Variants in FAM3C observed in about 807,000 individuals in gnomAD.
FAM3C encodes the protein protein FAM3C.
In FAM3C, 15 loss-of-function variants were observed where a neutral mutation model predicts 32.5. The observed-to-expected ratio is 0.46, with a 90% confidence interval of 0.31 to 0.71. The LOEUF (loss-of-function observed/expected upper bound fraction) is 0.71, where lower values mean the gene tolerates loss of function less well. FAM3C is among the 30% of genes least tolerant of loss of function. The probability of loss-of-function intolerance (pLI) is 0.05; values close to 1 mark genes in which losing one functional copy is unlikely to be tolerated. For synonymous variants in FAM3C, 75 were observed against 86.1 expected (o/e 0.87, Z 0.72); for missense variants, 175 against 274.4 (o/e 0.64, Z 2.56).
chr7:121,374,712 T>C (rs546268037), intron 3 of FAM3C, among the ~76,000 whole-genome samples: 20 of 152,336 alleles, frequency 1.3e-4, no homozygotes, highest in Admixed American at 4.6e-4. Context: ...GGTTACAAAG[T>C]ACTACACTTC....
At chr7:121,356,155 C>G (rs1406835077) in intron 8 of FAM3C, among the ~76,000 whole-genome samples, 4 of 151,698 alleles carry the variant, frequency 2.6e-5, no homozygotes, top group African/African-American at 7.3e-5. Flanking sequence ...CAATTCTAGT[C>G]TGCATGAATA....
At chr7:121,356,132 A>G (rs562627948) in intron 8 of FAM3C, among the ~76,000 whole-genome samples, 1 of 152,272 alleles carries the variant, frequency 6.6e-6, no homozygotes, top group East Asian at 1.9e-4. Flanking sequence ...TGACTGTTTA[A>G]AGAAAACTAA....
At chr7:121,376,008 T>C (rs1353315492) in intron 3 of FAM3C, among the ~76,000 whole-genome samples, 3 of 152,226 alleles carry the variant, frequency 2.0e-5, no homozygotes, top group Non-Finnish European at 4.4e-5. Flanking sequence ...AAGAATTAGC[T>C]ATGCACATTG....
intron 1 of FAM3C, among the ~76,000 whole-genome samples, chr7:121,389,857 G>A (rs1042551633): frequency 5.3e-5 from 8 of 152,038 alleles, no homozygotes; most frequent in African/African-American, 9.7e-5. Flanking sequence ...AGTACAAGGA[G>A]GATAGAAATC....
intron 3 of FAM3C, among the ~76,000 whole-genome samples, chr7:121,373,052 A>C (rs1415645693): frequency 1.3e-5 from 2 of 152,238 alleles, no homozygotes; most frequent in African/African-American, 2.4e-5. Flanking sequence ...TAAAGCCATA[A>C]AGGTAATATA....
At chr7:121,359,702 T>C (rs1426871467) in intron 8 of FAM3C, among the ~76,000 whole-genome samples, 1 of 151,956 alleles carries the variant, frequency 6.6e-6, no homozygotes, top group Admixed American at 6.6e-5. Context: ...GACATAATAA[T>C]AGGGAAACTT....
At chr7:121,375,884 A>C (rs1794230805) in intron 3 of FAM3C, among the ~76,000 whole-genome samples, 1 of 152,172 alleles carries the variant, frequency 6.6e-6, no homozygotes, top group Non-Finnish European at 1.5e-5. Flanking sequence ...CTTTCATCCA[A>C]GGCCTATAGA....
At chr7:121,357,321 A>T (rs1228403544) in intron 8 of FAM3C, among the ~76,000 whole-genome samples, 1 of 152,186 alleles carries the variant, frequency 6.6e-6, no homozygotes, top group Non-Finnish European at 1.5e-5. Context: ...CAGTGTACGC[A>T]CTTAACTTTC....
intron 2 of FAM3C, among the ~76,000 whole-genome samples, chr7:121,382,146 G>A (rs747671457): frequency 1.2e-4 from 19 of 152,114 alleles, no homozygotes; most frequent in Non-Finnish European, 2.5e-4. Context: ...TGATGGGAAG[G>A]GTGGGGAAAA....
At chr7:121,365,422 T>G (rs531162147) in intron 5 of FAM3C, among the ~76,000 whole-genome samples, 1 of 152,232 alleles carries the variant, frequency 6.6e-6, no homozygotes, top group Non-Finnish European at 1.5e-5. Flanking sequence ...TAGATATAGA[T>G]AGGACATATT....
At chr7:121,361,972 C>T (rs554152851) in intron 7 of FAM3C, among the ~76,000 whole-genome samples, 60 of 152,302 alleles carry the variant, frequency 3.9e-4, no homozygotes, top group Admixed American at 7.2e-4. Context: ...CCACCACGTC[C>T]GGCTACATAC....
chr7:121,386,195 C>G (rs1169461286), intron 1 of FAM3C, among the ~76,000 whole-genome samples: 1 of 152,112 alleles, frequency 6.6e-6, no homozygotes, highest in Non-Finnish European at 1.5e-5. Flanking sequence ...TACAAATACA[C>G]CCTTTGATGT....
Position 121,364,334 on chromosome 7 carries a change from T to G in FAM3C, c.273-146A>C, listed in dbSNP as rs1285732668. 18 of 608,596 alleles carry G rather than the reference T, an allele frequency of 3.0e-5. 2 individuals carry two copies. The East Asian group carries it at 5.0e-4, about 17-fold the overall frequency. 37.7% of individuals were successfully genotyped at this position (608,596 alleles called of 1,614,324 possible). ...CGGAGGAAATTAAAAAGATCTCTAC[T>G]AAGTCAGAGAAGACAGTCTAATACT... On this transcript the variant is annotated intron_variant, in intron 5 of 9. Coordinates refer to ENST00000359943, the MANE Select transcript of FAM3C (RefSeq NM_014888.3).
intron 8 of FAM3C, chr7:121,351,618 C>A: frequency 5.7e-6 from 1 of 176,116 alleles, no homozygotes; most frequent in Non-Finnish European, 1.2e-5. Flanking sequence ...CTTAAGCAAT[C>A]AATATTTTTA....
intron 2 of FAM3C, chr7:121,380,134 G>C (rs1204475005): frequency 1.3e-5 from 2 of 152,072 alleles, no homozygotes; most frequent in Non-Finnish European, 1.5e-5. Flanking sequence ...AATGGTAACA[G>C]GTGGCATAGT....
intron 1 of FAM3C, among the ~76,000 whole-genome samples, chr7:121,383,514 G>A (rs113737959): frequency 4.6e-5 from 7 of 152,064 alleles, no homozygotes; most frequent in African/African-American, 1.7e-4. Context: ...TACAGCAAGG[G>A]CTTCCGATTT....
In FAM3C at chr7:121,371,404, AT is replaced by A; in HGVS notation, c.167del (p.Tyr56LeufsTer37). 1 of 1,613,928 alleles carries A rather than the reference AT, an allele frequency of 6.2e-7. No homozygotes were observed. The highest frequency in any genetic ancestry group is 8.5e-7 in the Non-Finnish European group (1 of 1,179,846). ...TAARSTKPPR[Y>X]KCGISKACPE... ...GGCAAGCTTTTGAGATCCCACACTT[AT>A]ATCTGGGAGGCTTTGTAGCTTTGGG... On this transcript the variant is annotated frameshift_variant, in exon 5 of 10. Transcript: ENST00000359943. LOFTEE classifies it high-confidence loss of function.
At chr7:121,358,609 G>A (rs923580620) in intron 8 of FAM3C, among the ~76,000 whole-genome samples, 2 of 151,954 alleles carry the variant, frequency 1.3e-5, no homozygotes, top group Non-Finnish European at 2.9e-5. Context: ...AAATTCCAGA[G>A]ATAAAGCCAA....
intron 1 of FAM3C, among the ~76,000 whole-genome samples, chr7:121,395,210 CGGATACATACATATATAT>C (rs1176812437): frequency 6.8e-6 from 1 of 146,982 alleles, no homozygotes; most frequent in Non-Finnish European, 1.5e-5. Flanking sequence ...TACATATATA[CGGATACATACATATATAT>C]GGATACATAC....
Sources: allele counts gnomAD v4.1 joint callset (sites outside exome capture counted in the v4.1 genomes callset), GRCh38; gene constraint gnomAD v4.1.1; transcripts MANE v1.5; gene names NCBI Gene and HGNC (gene_info 2026-07-23, HGNC 2026-07-21).